Variants in SLC6A17 observed in about 807,000 individuals in gnomAD.
SLC6A17 encodes the protein solute carrier family 6 member 17, also known as sodium-dependent neutral amino acid transporter SLC6A17.
A neutral mutation model predicts 64.5 loss-of-function variants in SLC6A17; 21 were observed. The ratio of observed to expected loss-of-function variants is 0.33; its 90% CI spans 0.23 to 0.47. The LOEUF is 0.47. Ranked by LOEUF, SLC6A17 falls within the 20% of genes least tolerant of loss-of-function variation. SLC6A17 has a pLI of 1.00. For missense variants in SLC6A17, 682 were observed against 963.2 expected, an observed-to-expected ratio of 0.71 and a Z score of 3.86; for synonymous variants, 372 against 399.5, an observed-to-expected ratio of 0.93 and a Z score of 0.82.
At chr1:110,188,589 C>T (rs758212473) in intron 6 of SLC6A17, among the ~76,000 whole-genome samples, 16 of 152,184 alleles carry the variant, frequency 1.1e-4, no homozygotes, top group Non-Finnish European at 2.2e-4. Context: ...CCATCCTGTC[C>T]TCCCTCCCTC....
intron 6 of SLC6A17, among the ~76,000 whole-genome samples, chr1:110,184,091 T>C (rs370478305): frequency 6.6e-6 from 1 of 152,134 alleles, no homozygotes; most frequent in South Asian, 2.1e-4. Flanking sequence ...AGTGAGGCAA[T>C]TATACAAGCC....
At chr1:110,162,752 C>T (rs1447261165) in intron 1 of SLC6A17, among the ~76,000 whole-genome samples, 9 of 152,068 alleles carry the variant, frequency 5.9e-5, no homozygotes, top group African/African-American at 2.2e-4. Context: ...TCACTATTTC[C>T]ACTGGGGTAT....
intron 1 of SLC6A17, among the ~76,000 whole-genome samples, chr1:110,156,025 G>T (rs780235405): frequency 9.9e-5 from 15 of 152,172 alleles, no homozygotes; most frequent in Non-Finnish European, 1.5e-4. Flanking sequence ...CTTTGCCCAG[G>T]TCTAAAGGAA....
intron 4 of SLC6A17, among the ~76,000 whole-genome samples, chr1:110,174,346 C>T (rs1000293114): frequency 6.6e-6 from 1 of 152,184 alleles, no homozygotes; most frequent in Non-Finnish European, 1.5e-5. Context: ...TGTTATTACT[C>T]ACCCTGTTAT....
chr1:110,197,292 C>A, intron 10 of SLC6A17, 145 bp from the exon 11 acceptor site: 3 of 1,121,406 alleles, frequency 2.7e-6, no homozygotes, highest in Non-Finnish European at 2.5e-6. Flanking sequence ...CCAGACCACA[C>A]ACAATGAGCA....
At chr1:110,185,844 C>T (rs1245759083) in intron 6 of SLC6A17, among the ~76,000 whole-genome samples, 8 of 152,154 alleles carry the variant, frequency 5.3e-5, no homozygotes, top group Non-Finnish European at 1.2e-4. Context: ...TCAATTTACC[C>T]CCAGATTAGC....
intron 9 of SLC6A17, 140 bp downstream of exon 9, chr1:110,194,911 C>A: frequency 2.9e-6 from 3 of 1,041,370 alleles, no homozygotes; most frequent in Non-Finnish European, 4.3e-6. Flanking sequence ...TGGAGCCTGG[C>A]TGTGCCACTC....
chr1:110,158,427 C>T (rs1324139454), intron 1 of SLC6A17, among the ~76,000 whole-genome samples: 5 of 152,248 alleles, frequency 3.3e-5, no homozygotes, highest in South Asian at 4.2e-4. Flanking sequence ...AGCTCCAGGG[C>T]GTTGTGGGAT....
rs1211886814 is a variant in SLC6A17 at position 110,150,712 on chromosome 1, G to T, written c.-259G>T. 1 of 152,238 alleles carries T rather than the reference G, an allele frequency of 6.6e-6. No homozygotes were observed. The highest frequency in any genetic ancestry group is 1.5e-5 in the Non-Finnish European group (1 of 68,066). 9.4% of individuals were successfully genotyped at this position (152,238 alleles called of 1,614,324 possible). ...AGGTTGGGACTGGTGGTGAGGCAGG[G>T]AGTGAGGAGCGAGCGGAGTCGCGTG... On this transcript the variant is annotated 5_prime_UTR_variant, in exon 1 of 12. Coordinates refer to ENST00000331565, the MANE Select transcript of SLC6A17 (RefSeq NM_001010898.4).
At chr1:110,162,868 G>A (rs1655952929) in intron 1 of SLC6A17, among the ~76,000 whole-genome samples, 1 of 151,992 alleles carries the variant, frequency 6.6e-6, no homozygotes, top group Non-Finnish European at 1.5e-5. Flanking sequence ...ATGGTGAGGT[G>A]GGCACCGCTG....
At chr1:110,184,002 T>C (rs908734903) in intron 6 of SLC6A17, among the ~76,000 whole-genome samples, 5 of 152,100 alleles carry the variant, frequency 3.3e-5, no homozygotes, top group East Asian at 3.8e-4. Context: ...AGCATGGAGA[T>C]CGCCAACACT....
chr1:110,171,386 C>T (rs945892320), intron 2 of SLC6A17, among the ~76,000 whole-genome samples: 3 of 152,182 alleles, frequency 2.0e-5, no homozygotes, highest in Admixed American at 6.5e-5. Context: ...CCCAGGACAG[C>T]GAGATTAATT....
intron 6 of SLC6A17, among the ~76,000 whole-genome samples, 190 bp downstream of exon 6, chr1:110,176,929 G>T (rs1335150861): frequency 1.3e-5 from 2 of 152,224 alleles, no homozygotes; most frequent in African/African-American, 4.8e-5. Context: ...GGAGAGGCGT[G>T]TCACATCGAT....
rs780329859 is a variant in SLC6A17, at chr1:110,195,627, G to A, written c.1534G>A (p.Val512Ile). ...TGCATTCCTCGTGGGGCTGTTGTTC[G>A]TCCAGCGCTCCGGAAACTACTTTGT... ...VFAFLVGLLF[V>I]QRSGNYFVTM... The change falls in exon 10 of 12, where the codon GTC (valine) becomes ATC (isoleucine). Residue 512 changes from valine to isoleucine, a missense_variant. Physicochemically the swap from Val to Ile is conservative, Grantham distance 29. Coordinates refer to ENST00000331565, the MANE Select transcript of SLC6A17 (RefSeq NM_001010898.4). 58 of 1,614,096 alleles carry A rather than the reference G, an allele frequency of 3.6e-5. No individual in the cohort carries two copies. Among genetic ancestry groups the A allele is most frequent in the Middle Eastern group, 1.6e-4 (1 of 6,084 alleles).
At position 110,192,749 on chromosome 1, in the gene SLC6A17, C is replaced by A; in HGVS notation, c.1299+51C>A. 3 of 1,558,288 alleles carry A rather than the reference C, an allele frequency of 1.9e-6. No homozygotes were observed. Among genetic ancestry groups the A allele is most frequent in the Non-Finnish European group, 1.7e-6 (2 of 1,151,434 alleles). The stretch of plus-strand genomic sequence containing the variant: ...GGACAGGCAGGAACCCAGAGAGCAG[C>A]TGTGGCCGGCGGGAGCTTGGGCTCA... On this transcript the variant is annotated intron_variant, in intron 8 of 11. Transcript: ENST00000331565. This position sits in a 1 kb window ranked among gnomAD's most constrained non-coding sequence, Gnocchi z 4.3.
intron 2 of SLC6A17, among the ~76,000 whole-genome samples, chr1:110,170,341 G>A (rs367813418): frequency 3.8e-4 from 57 of 151,756 alleles, no homozygotes; most frequent in African/African-American, 9.2e-4. Context: ...AAAATTAGCC[G>A]GGCGTGGTGG....
At chr1:110,188,553 G>A (rs973911833) in intron 6 of SLC6A17, among the ~76,000 whole-genome samples, 3 of 152,072 alleles carry the variant, frequency 2.0e-5, no homozygotes, top group South Asian at 2.1e-4. Context: ...GACAGAAACC[G>A]ACCATAAAAC....
At position 110,192,714 on chromosome 1, in the gene SLC6A17, G is replaced by C. The variant is rs746745712; in HGVS notation, c.1299+16G>C. The C allele has an allele frequency of 6.2e-7, 1 of 1,606,184 alleles. No individual in the cohort carries two copies. The highest frequency in any genetic ancestry group is 8.5e-7 in the Non-Finnish European group (1 of 1,175,206). ...GCTGGACAAGGTGCGGGGACAGGCT[G>C]CCCTTCCCAGGACAGGCAGGAACCC... On this transcript the variant is annotated intron_variant, in intron 8 of 11. Transcript: ENST00000331565. This position sits in a 1 kb window ranked among gnomAD's most constrained non-coding sequence, Gnocchi z 4.3.
chr1:110,162,606 C>T (rs1655943697), intron 1 of SLC6A17, among the ~76,000 whole-genome samples: 1 of 152,190 alleles, frequency 6.6e-6, no homozygotes, highest in Non-Finnish European at 1.5e-5. Flanking sequence ...GATCCTGATG[C>T]TTCTCCCAGA....
Sources: allele counts gnomAD v4.1 joint callset (sites outside exome capture counted in the v4.1 genomes callset), GRCh38; gene constraint gnomAD v4.1.1; non-coding constraint Gnocchi (gnomAD v3.1); transcripts MANE v1.5; gene names NCBI Gene and HGNC (gene_info 2026-07-23, HGNC 2026-07-21).